The following SNTG2 variants were observed in gnomAD, a reference collection of about 807,000 sequenced individuals.
SNTG2 encodes syntrophin gamma 2.
SNTG2 carries 74 observed loss-of-function variants against 70.9 expected under a neutral mutation model. That is an observed-to-expected ratio of 1.04 (90% CI 0.86 to 1.27). SNTG2 has a LOEUF of 1.27. SNTG2 is among the 50% of genes most tolerant of loss of function. The probability of loss-of-function intolerance (pLI) is 0.00; values close to 1 mark genes in which losing one functional copy is unlikely to be tolerated. For synonymous variants in SNTG2, 278 were observed against 273.8 expected, an observed-to-expected ratio of 1.02 and a Z score of -0.15; for missense variants, 717 against 690.7, an observed-to-expected ratio of 1.04 and a Z score of -0.43.
At chr2:1,238,151 A>T in intron 10 of SNTG2, 134 bp downstream of exon 10, 7 of 1,203,124 alleles carry the variant, frequency 5.8e-6, no homozygotes, top group Non-Finnish European at 8.0e-6. Flanking sequence ...TGTCAAATCT[A>T]TGTCTAAAAA....
chr2:1,300,736 C>G (rs1466703549), intron 14 of SNTG2, among the ~76,000 whole-genome samples: 1 of 152,160 alleles, frequency 6.6e-6, no homozygotes, highest in Admixed American at 6.5e-5. Flanking sequence ...AAAGGCTAAT[C>G]TTAATGCTTT....
intron 1 of SNTG2, among the ~76,000 whole-genome samples, chr2:1,032,812 T>C (rs978296498): frequency 3.9e-5 from 6 of 152,242 alleles, no homozygotes; most frequent in African/African-American, 1.4e-4. Flanking sequence ...CTACCCTTGG[T>C]CACTGTGTTA....
chr2:1,269,114 G>A (rs925945400), intron 14 of SNTG2, among the ~76,000 whole-genome samples: 1 of 152,206 alleles, frequency 6.6e-6, no homozygotes, highest in East Asian at 1.9e-4. Context: ...AATGTCTGAA[G>A]CATTCTAGAG....
At chr2:1,347,693 A>C (rs1660367566) in intron 16 of SNTG2, among the ~76,000 whole-genome samples, 1 of 152,160 alleles carries the variant, frequency 6.6e-6, no homozygotes, top group Non-Finnish European at 1.5e-5. Flanking sequence ...ATCTCGCCCA[A>C]CCCTGGGAAG....
At chr2:1,289,944 C>T (rs895961617) in intron 14 of SNTG2, among the ~76,000 whole-genome samples, 5 of 152,174 alleles carry the variant, frequency 3.3e-5, no homozygotes, top group Admixed American at 6.5e-5. Flanking sequence ...AAGGTCATCC[C>T]TGTTGTAGCA....
At position 1,046,469 on chromosome 2, in the gene SNTG2, AGT is replaced by A. The variant is rs1407923760; in HGVS notation, c.73-37044_73-37043del. On this transcript the variant is annotated intron_variant, in intron 1 of 16. Transcript: ENST00000308624. Reference sequence around the variant, plus strand: ...TATAGTTCAATGGTCTATGTATTTCAGTGTGTTTTTGTGGTGGCCAGTAACAA... The same window carrying A: ...TATAGTTCAATGGTCTATGTATTTCAGTGTTTTTGTGGTGGCCAGTAACAA... 2.0e-5 allele frequency among the ~76,000 whole-genome samples: 3 copies of A among 152,078 alleles called. No individual in the cohort carries two copies. The South Asian group carries it at 6.2e-4, about 32-fold the overall frequency.
intron 14 of SNTG2, among the ~76,000 whole-genome samples, chr2:1,280,094 C>A (rs779914715): frequency 3.3e-5 from 5 of 151,886 alleles, no homozygotes; most frequent in Non-Finnish European, 5.9e-5. Flanking sequence ...TCAAAAAAAT[C>A]TTTTTTGAAT....
At chr2:1,166,562 G>C (rs1304315335) in intron 7 of SNTG2, among the ~76,000 whole-genome samples, 1 of 152,166 alleles carries the variant, frequency 6.6e-6, no homozygotes, top group Admixed American at 6.5e-5. Context: ...ATCAGTAGTT[G>C]AGTTCTGATC....
At chr2:1,340,299 G>C (rs1297605766) in intron 16 of SNTG2, among the ~76,000 whole-genome samples, 2 of 152,218 alleles carry the variant, frequency 1.3e-5, no homozygotes, top group Non-Finnish European at 2.9e-5. Context: ...AGTCTATGCA[G>C]ACAGAGGGTG....
At chr2:1,357,296 C>T (rs1660902967) in intron 16 of SNTG2, among the ~76,000 whole-genome samples, 1 of 152,078 alleles carries the variant, frequency 6.6e-6, no homozygotes, top group Admixed American at 6.6e-5. Context: ...GACATAGTGC[C>T]TTTGTTACGT....
intron 8 of SNTG2, among the ~76,000 whole-genome samples, chr2:1,178,779 C>A (rs1360791574): frequency 6.6e-6 from 1 of 151,664 alleles, no homozygotes; most frequent in African/African-American, 2.4e-5. Flanking sequence ...TTTGTTGTGT[C>A]TCTGCCAGGC....
At chr2:1,262,691 C>G (rs1678488395) in intron 13 of SNTG2, among the ~76,000 whole-genome samples, 1 of 142,100 alleles carries the variant, frequency 7.0e-6, no homozygotes, top group African/African-American at 2.7e-5. Flanking sequence ...AACCGGAAGG[C>G]TCCGTCCAGA....
intron 1 of SNTG2, among the ~76,000 whole-genome samples, chr2:1,038,113 T>C (rs937461238): frequency 6.6e-6 from 1 of 152,246 alleles, no homozygotes; most frequent in African/African-American, 2.4e-5. Flanking sequence ...TGTCAAAACC[T>C]GGCCCTACTT....
chr2:991,567 T>C (rs1661493189), intron 1 of SNTG2, among the ~76,000 whole-genome samples: 1 of 152,186 alleles, frequency 6.6e-6, no homozygotes, highest in South Asian at 2.1e-4. Flanking sequence ...TACTCATGAA[T>C]GGGGATGTGA....
intron 9 of SNTG2, among the ~76,000 whole-genome samples, chr2:1,231,485 C>T (rs1676241883): frequency 6.6e-6 from 1 of 152,220 alleles, no homozygotes; most frequent in African/African-American, 2.4e-5. Context: ...AGGTGACATG[C>T]CCCGCAGTGT....
At chr2:1,119,513 C>T (rs1445782574) in intron 4 of SNTG2, among the ~76,000 whole-genome samples, 1 of 147,898 alleles carries the variant, frequency 6.8e-6, no homozygotes, top group Non-Finnish European at 1.5e-5. Context: ...CAAATCGTGA[C>T]ATCAAGAACA....
In SNTG2 at chr2:1,186,162, GC is replaced by G. The variant is rs1325338741; in HGVS notation, c.591+12980del. Among the ~76,000 whole-genome samples the G allele has an allele frequency of 0.01, 36 of 3,552 alleles. No individual in the cohort carries two copies. In the Admixed American group the frequency reaches 0.17, roughly 17 times the overall value. The allele number at this position is 3,552 out of a possible 152,430, so 2.3% of individuals were successfully genotyped here. A position where few individuals can be genotyped will look rare whatever the true frequency, so the allele number is the denominator to read the frequency against. ...GGGGCACAATGCCTCCAACCTCTTT[GC>G]TATAAGTGTAACAAAAGTGATGACC... On this transcript the variant is annotated intron_variant, in intron 8 of 16. Transcript: ENST00000308624.
rs1660700202 is a variant in SNTG2 at position 1,353,712 on chromosome 2, C to G, written c.1489-13631C>G. The G allele has an allele frequency of 6.6e-6, 1 of 152,150 alleles. No homozygotes were observed. The highest frequency in any genetic ancestry group is 2.4e-5 in the African/African-American group (1 of 41,424). The allele number at this position is 152,150 out of a possible 1,614,324, so 9.4% of individuals were successfully genotyped here. A position where few individuals can be genotyped will look rare whatever the true frequency, so the allele number is the denominator to read the frequency against. On this transcript the variant is annotated intron_variant, in intron 16 of 16. Coordinates refer to ENST00000308624, the MANE Select transcript of SNTG2 (RefSeq NM_018968.4). This position sits in a 1 kb window ranked among gnomAD's most constrained non-coding sequence, Gnocchi z 4.2. ...GGCCATTAGGTAATGATTGGGAAAA[C>G]TAAGAACCCAGGATGGCTGCTCATC...
intron 1 of SNTG2, among the ~76,000 whole-genome samples, chr2:1,046,914 A>G (rs1029728560): frequency 6.6e-6 from 1 of 152,154 alleles, no homozygotes; most frequent in African/African-American, 2.4e-5. Context: ...TTCTAGCGAG[A>G]ATGGGGAAAT....
Sources: gnomAD v4.1 joint callset for allele counts (sites outside exome capture counted in the v4.1 genomes callset) on GRCh38, gnomAD v4.1.1 for gene constraint, Gnocchi (gnomAD v3.1) non-coding constraint, MANE v1.5 for transcripts, NCBI Gene and HGNC (gene_info 2026-07-23, HGNC 2026-07-21) for gene names.